KIF21B: variants seen among roughly 807,000 people sequenced by gnomAD.
KIF21B encodes kinesin-like protein KIF21B.
In KIF21B, 85 loss-of-function variants were observed where a neutral mutation model predicts 192.9. That is an observed-to-expected ratio of 0.44 (90% CI 0.37 to 0.53). KIF21B has a LOEUF of 0.53. KIF21B is among the 20% of genes least tolerant of loss of function. KIF21B has a pLI of 0.00. For missense variants in KIF21B, 1,716 were observed against 2,194.8 expected, an observed-to-expected ratio of 0.78 and a Z score of 4.36; for synonymous variants, 832 against 884.6, an observed-to-expected ratio of 0.94 and a Z score of 1.05.
intron 22 of KIF21B, 31 bp from the exon 23 acceptor site, chr1:200,988,575 TTG>T: frequency 6.5e-7 from 1 of 1,530,432 alleles, no homozygotes; most frequent in Non-Finnish European, 8.9e-7. Context: ...GGGAAAGGGG[TTG>T]AGAAGCCCTG....
intron 29 of KIF21B, 129 bp from the exon 30 acceptor site, chr1:200,979,844 A>T: frequency 3.1e-6 from 2 of 648,566 alleles, no homozygotes; most frequent in Non-Finnish European, 4.9e-6. Context: ...ACGGAGCTCC[A>T]GGTCTGAAGA....
Position 200,983,111 on chromosome 1 carries a change from A to G in KIF21B, c.3804-17T>C. 6.5e-7 allele frequency: 1 copy of G among 1,535,478 alleles called. No individual in the cohort carries two copies. Among genetic ancestry groups the G allele is most frequent in the Non-Finnish European group, 8.7e-7 (1 of 1,146,396 alleles). On this transcript the variant is annotated splice_polypyrimidine_tract_variant and intron_variant, in intron 27 of 34. Coordinates refer to ENST00000461742, the MANE Select transcript of KIF21B (RefSeq NM_001252102.2). ...TCATCAGACCTGGGGAGGGCAGAAA[A>G]TTAGCTGGATTAGGGGGTGAGAGGA...
At chr1:201,011,577 C>A (rs1189158154) in intron 1 of KIF21B, among the ~76,000 whole-genome samples, 1 of 152,222 alleles carries the variant, frequency 6.6e-6, no homozygotes, top group Non-Finnish European at 1.5e-5. Flanking sequence ...GCAAGAGCAA[C>A]CTTAGAAGGA....
rs894668670 is a variant in KIF21B, at chr1:200,975,827, G to A, written c.4444-158C>T. On this transcript the variant is annotated intron_variant, in intron 32 of 34. Transcript: ENST00000461742. The surrounding 1 kb of genome is among the most constrained non-coding windows in gnomAD (Gnocchi z 4.3). ...AGCTTCCCAGCAGGCGAGGGTTCCTGGAGGTGGGGCTGCTCCTTCTAAGGG... is the reference window on the plus strand; with the variant it reads ...AGCTTCCCAGCAGGCGAGGGTTCCTAGAGGTGGGGCTGCTCCTTCTAAGGG... Among the ~76,000 whole-genome samples the A allele has an allele frequency of 2.0e-4, 31 of 152,162 alleles. No homozygotes were observed. The highest frequency in any genetic ancestry group is 1.0e-4 in the Non-Finnish European group (7 of 68,022).
chr1:200,978,588 C>T (rs55800004), intron 30 of KIF21B, among the ~76,000 whole-genome samples: 6,201 of 152,248 alleles, frequency 0.041, 261 homozygotes, highest in East Asian at 0.12. Flanking sequence ...TGGTGTTGCA[C>T]ATTCTAAGGG....
chr1:200,979,684 C>T lies in KIF21B; in HGVS notation c.4011G>A (p.Thr1337=), dbSNP rs755689975. ...CCTTTAGAGCTGCGATCTCCTGTCC[C>T]GTAACCAAGTTCCACATCTTGCAGC... The part of the protein sequence containing the change: ...DRSCKMWNLV[T]GQEIAALKGH... Residue 1337 remains threonine, a synonymous_variant, in exon 30 of 35, where the codon ACG becomes ACA. Coordinates refer to ENST00000461742, the MANE Select transcript of KIF21B (RefSeq NM_001252102.2). 22 of 1,552,836 alleles carry T rather than the reference C, an allele frequency of 1.4e-5. No homozygotes were observed. The highest frequency in any genetic ancestry group is 2.8e-5 in the African/African-American group (2 of 72,002).
Position 201,005,306 on chromosome 1 carries a change from A to G in KIF21B, c.732+2T>C. ...CTCCTGGGCCCCCTGCAGGCTCCTC[A>G]CCAGGTCGGGCTGGGTGCACATGCG... On this transcript the variant is annotated splice_donor_variant, in intron 5 of 34. Transcript: ENST00000461742. LOFTEE classifies it high-confidence loss of function. The G allele has an allele frequency of 6.3e-7, 1 of 1,588,738 alleles. No homozygotes were observed. The highest frequency in any genetic ancestry group is 8.6e-7 in the Non-Finnish European group (1 of 1,166,696).
At chr1:200,996,162 T>C (rs770650061) in intron 15 of KIF21B, 34 bp downstream of exon 15, 4 of 1,600,324 alleles carry the variant, frequency 2.5e-6, no homozygotes, top group Non-Finnish European at 1.7e-6. Context: ...TCACAGGCAC[T>C]CCAGGCCCCA....
Position 201,023,338 on chromosome 1 carries a change from C to T in KIF21B, c.41+5G>A, listed in dbSNP as rs1217959008. 5.9e-6 allele frequency: 9 copies of T among 1,530,146 alleles called. No individual in the cohort carries two copies. Among genetic ancestry groups the T allele is most frequent in the Non-Finnish European group, 7.9e-6 (9 of 1,140,748 alleles). 94.8% of individuals were successfully genotyped at this position (1,530,146 alleles called of 1,614,324 possible). A position where few individuals can be genotyped will look rare whatever the true frequency, so the allele number is the denominator to read the frequency against. On this transcript the variant is annotated splice_donor_5th_base_variant and intron_variant, in intron 1 of 34. Coordinates refer to ENST00000461742, the MANE Select transcript of KIF21B (RefSeq NM_001252102.2). This position sits in a 1 kb window ranked among gnomAD's most constrained non-coding sequence, Gnocchi z 5.9. Reference sequence around the variant, plus strand: ...CGCGCCCCCTTCCCCGCCCCGGGTCCCTACCTGACGGCCACCTTGACGCAG... The same window carrying T: ...CGCGCCCCCTTCCCCGCCCCGGGTCTCTACCTGACGGCCACCTTGACGCAG...
rs1055980381 is a variant in KIF21B at position 200,977,383 on chromosome 1, A to G, written c.4161-7T>C. 2 of 1,613,058 alleles carry G rather than the reference A, an allele frequency of 1.2e-6. No homozygotes were observed. Among genetic ancestry groups the G allele is most frequent in the African/African-American group, 1.3e-5 (1 of 75,054 alleles). ...GATCACCTGGCCCGAGGACCTGCCC[A>G]TCGGAGAAAGGCAAGGCCAGAGGTC... On this transcript the variant is annotated splice_polypyrimidine_tract_variant and splice_region_variant and intron_variant, in intron 30 of 34. Transcript: ENST00000461742.
In KIF21B at chr1:201,023,445, A is replaced by AGGCAGC; in HGVS notation, c.-68_-63dup. 7 of 1,246,676 alleles carry AGGCAGC rather than the reference A, an allele frequency of 5.6e-6. No homozygotes were observed. Among genetic ancestry groups the AGGCAGC allele is most frequent in the East Asian group, 3.2e-5 (1 of 31,498 alleles). 77.2% of individuals were successfully genotyped at this position (1,246,676 alleles called of 1,614,324 possible). On this transcript the variant is annotated 5_prime_UTR_variant, in exon 1 of 35. Transcript: ENST00000461742. The surrounding 1 kb of genome is among the most constrained non-coding windows in gnomAD (Gnocchi z 5.9). The stretch of plus-strand genomic sequence containing the variant: ...GCGGGGGTCTGGGGGCCAATGCCCG[A>AGGCAGC]GGCAGCGGCTGCGGCTGCGGGAGGC...
Position 201,022,850 on chromosome 1 carries a change from T to C in KIF21B, c.41+493A>G, listed in dbSNP as rs147321918. ...CCAAGGCATCATCCCAGCTTTTCCG[T>C]TGGTCCCCGCACCCGATCTTTGTCT... On this transcript the variant is annotated intron_variant, in intron 1 of 34. Transcript: ENST00000461742. 2.6e-5 allele frequency among the ~76,000 whole-genome samples: 4 copies of C among 152,332 alleles called. No individual in the cohort carries two copies. The East Asian group carries it at 7.7e-4, about 29-fold the overall frequency.
chr1:200,996,139 T>C, intron 15 of KIF21B, 57 bp downstream of exon 15: 11 of 1,496,244 alleles, frequency 7.4e-6, no homozygotes, highest in Non-Finnish European at 1.0e-5. Flanking sequence ...GGTGAGTGGA[T>C]TCTAAGAAGA....
intron 2 of KIF21B, 41 bp from the exon 3 acceptor site, chr1:201,008,992 TG>T (rs1216146983): frequency 1.3e-6 from 2 of 1,564,466 alleles, no homozygotes; most frequent in African/African-American, 1.4e-5. Flanking sequence ...CTGCACCCTT[TG>T]GGGGCACCAG....
chr1:201,018,420 C>T (rs1387616593), intron 1 of KIF21B, among the ~76,000 whole-genome samples: 1 of 152,216 alleles, frequency 6.6e-6, no homozygotes, highest in African/African-American at 2.4e-5. Context: ...TAAGCAATCC[C>T]ATACAGGAGA....
chr1:201,004,468 G>T lies in KIF21B; in HGVS notation c.901-13C>A. 1 of 1,556,672 alleles carries T rather than the reference G, an allele frequency of 6.4e-7. No homozygotes were observed. The highest frequency in any genetic ancestry group is 1.2e-5 in the South Asian group (1 of 84,740). On this transcript the variant is annotated splice_polypyrimidine_tract_variant and intron_variant, in intron 6 of 34. Transcript: ENST00000461742. ...TGCCCAAGGCCAGCTGTGGGAGACA[G>T]ACCCTGGCACTCAGCAGTCACTCAG...
rs1292039885 is a variant in KIF21B, at chr1:201,023,458, G to C, written c.-75C>G. 8 of 1,134,488 alleles carry C rather than the reference G, an allele frequency of 7.1e-6. No individual in the cohort carries two copies. Among genetic ancestry groups the C allele is most frequent in the African/African-American group, 1.6e-5 (1 of 61,694 alleles). 70.3% of individuals were successfully genotyped at this position (1,134,488 alleles called of 1,614,324 possible). Reference sequence around the variant, plus strand: ...GGCCAATGCCCGAGGCAGCGGCTGCGGCTGCGGGAGGCGGGGGCGCGGGCG... The same window carrying C: ...GGCCAATGCCCGAGGCAGCGGCTGCCGCTGCGGGAGGCGGGGGCGCGGGCG... On this transcript the variant is annotated 5_prime_UTR_variant, in exon 1 of 35. Coordinates refer to ENST00000461742, the MANE Select transcript of KIF21B (RefSeq NM_001252102.2). This position sits in a 1 kb window ranked among gnomAD's most constrained non-coding sequence, Gnocchi z 5.9.
rs1481118183 is a variant in KIF21B at position 200,970,986 on chromosome 1, A to G, written c.*2535T>C. On this transcript the variant is annotated 3_prime_UTR_variant, in exon 35 of 35. Transcript: ENST00000461742. ...CCTGTCCCAGACACAGGCACCCCCA[A>G]TCTCACTTTGGACAGAGCCAACGTG... The G allele has an allele frequency of 6.5e-6, 1 of 152,730 alleles. No homozygotes were observed. The highest frequency in any genetic ancestry group is 1.5e-5 in the Non-Finnish European group (1 of 68,056). The allele number at this position is 152,730 out of a possible 1,614,324, so 9.5% of individuals were successfully genotyped here.
In KIF21B at chr1:200,982,988, G is replaced by C; in HGVS notation, c.3842+68C>G. On this transcript the variant is annotated intron_variant, in intron 28 of 34. Transcript: ENST00000461742. The surrounding 1 kb of genome is among the most constrained non-coding windows in gnomAD (Gnocchi z 4.7). The stretch of plus-strand genomic sequence containing the variant: ...GTGTCAGGCGGGAGGGATGCAGCAA[G>C]AGACAGAGAAGAGAGGGTGCCGAGA... 1 of 1,418,284 alleles carries C rather than the reference G, an allele frequency of 7.1e-7. No homozygotes were observed. Among genetic ancestry groups the C allele is most frequent in the Non-Finnish European group, 9.6e-7 (1 of 1,039,900 alleles). The allele number at this position is 1,418,284 out of a possible 1,614,324, so 87.9% of individuals were successfully genotyped here.
Sources: allele counts gnomAD v4.1 joint callset (sites outside exome capture counted in the v4.1 genomes callset), GRCh38; gene constraint gnomAD v4.1.1; non-coding constraint Gnocchi (gnomAD v3.1); transcripts MANE v1.5; gene names NCBI Gene and HGNC (gene_info 2026-07-23, HGNC 2026-07-21).